FRMPD4: variants seen among roughly 807,000 people sequenced by gnomAD.
FRMPD4 encodes FERM and PDZ domain containing 4, also known as FERM and PDZ domain-containing protein 4.
FRMPD4 carries 22 observed loss-of-function variants against 94.1 expected under a neutral mutation model. The observed-to-expected ratio is 0.23, with a 90% CI of 0.17 to 0.33. FRMPD4 has a LOEUF of 0.33. Ranked by LOEUF, FRMPD4 falls within the 10% of genes least tolerant of loss-of-function variation. The probability of loss-of-function intolerance (pLI) is 1.00; values close to 1 mark genes in which losing one functional copy is unlikely to be tolerated. For missense variants in FRMPD4, 1,111 were observed against 1,339.9 expected (o/e 0.83, Z 2.67); for synonymous variants, 631 against 548.6 (o/e 1.15, Z -2.10).
intron 3 of FRMPD4, among the ~76,000 whole-genome samples, chrX:12,088,370 C>G (rs1287564181): frequency 9.0e-6 from 1 of 111,675 alleles, no homozygotes; most frequent in Non-Finnish European, 1.9e-5. Flanking sequence ...CCCTCATGAC[C>G]TAATCACCTC....
chrX:12,188,210 C>T (rs2056447356), intron 1 of FRMPD4, among the ~76,000 whole-genome samples: 1 of 111,989 alleles, frequency 8.9e-6, no homozygotes, highest in Non-Finnish European at 1.9e-5. Context: ...TCTCCTAGTT[C>T]TCCACAGAGA....
At chrX:12,248,258 CTCT>C (rs1177396248) in intron 1 of FRMPD4, among the ~76,000 whole-genome samples, 1 of 112,483 alleles carries the variant, frequency 8.9e-6, no homozygotes, top group East Asian at 2.8e-4. Flanking sequence ...AAAAACAAGA[CTCT>C]TCTTCATACT....
chrX:12,016,034 G>A (rs1228822228), intron 3 of FRMPD4, among the ~76,000 whole-genome samples: 1 of 112,452 alleles, frequency 8.9e-6, no homozygotes, highest in African/African-American at 3.2e-5. Flanking sequence ...AGAAAGATAA[G>A]CAAAGAAGGA....
At chrX:12,246,796 G>C (rs755414565) in intron 1 of FRMPD4, among the ~76,000 whole-genome samples, 1 of 110,528 alleles carries the variant, frequency 9.0e-6, no homozygotes, top group Non-Finnish European at 1.9e-5. Flanking sequence ...TTAAAATTAA[G>C]GACTCACTTT....
At chrX:12,528,234 C>T (rs1461108928) in intron 2 of FRMPD4, among the ~76,000 whole-genome samples, 3 of 110,577 alleles carry the variant, frequency 2.7e-5, no homozygotes, top group Admixed American at 9.6e-5. Flanking sequence ...TAAGACAAAA[C>T]TCCCAGGAGC....
chrX:12,176,960 T>G (rs906639977), intron 1 of FRMPD4, among the ~76,000 whole-genome samples: 6 of 112,120 alleles, frequency 5.4e-5, no homozygotes, highest in African/African-American at 1.9e-4. Context: ...AAATGAATAA[T>G]TTATTCTAGT....
intron 4 of FRMPD4, among the ~76,000 whole-genome samples, chrX:12,615,715 CTT>C (rs1453558397): frequency 9.0e-6 from 1 of 111,481 alleles, no homozygotes; most frequent in Non-Finnish European, 1.9e-5. Flanking sequence ...TATCAGAACA[CTT>C]TTCACTGAAG....
chrX:11,880,003 A>G (rs189515164), intron 3 of FRMPD4, among the ~76,000 whole-genome samples: 62 of 112,776 alleles, frequency 5.5e-4, no homozygotes, highest in Non-Finnish European at 9.6e-4. Flanking sequence ...AGACTCAAGT[A>G]AAGAGAGAGA....
chrX:12,342,869 G>A (rs1247851878), intron 1 of FRMPD4, among the ~76,000 whole-genome samples: 10 of 111,952 alleles, frequency 8.9e-5, no homozygotes, highest in South Asian at 3.8e-4. Flanking sequence ...AACCATTCCC[G>A]TTTCACAGAT....
intron 1 of FRMPD4, among the ~76,000 whole-genome samples, chrX:12,145,593 T>G (rs1199435861): frequency 8.8e-6 from 1 of 113,123 alleles, no homozygotes; most frequent in East Asian, 2.8e-4. Context: ...TTTAGAAAGC[T>G]TTATGACCAT....
intron 2 of FRMPD4, among the ~76,000 whole-genome samples, chrX:11,869,725 A>G (rs1436627753): frequency 8.9e-6 from 1 of 112,061 alleles, no homozygotes; most frequent in Non-Finnish European, 1.9e-5. Flanking sequence ...TACACATCAC[A>G]GGAGAAAAAC....
intron 3 of FRMPD4, among the ~76,000 whole-genome samples, chrX:12,114,630 T>C (rs913570805): frequency 1.5e-4 from 17 of 112,379 alleles, no homozygotes; most frequent in African/African-American, 5.2e-4. Flanking sequence ...AAGCCCCTTA[T>C]TTACTCAGTG....
intron 2 of FRMPD4, among the ~76,000 whole-genome samples, chrX:12,505,881 G>A (rs1349464141): frequency 1.8e-5 from 2 of 111,847 alleles, no homozygotes; most frequent in Non-Finnish European, 3.8e-5. Context: ...ATAAAGCCTT[G>A]TTATCAATGG....
At chrX:11,968,056 CTG>C (rs1212783377) in intron 3 of FRMPD4, among the ~76,000 whole-genome samples, 2 of 110,671 alleles carry the variant, frequency 1.8e-5, no homozygotes, top group African/African-American at 6.6e-5. Context: ...GTAACAGCAT[CTG>C]TGATTTGGAG....
chrX:12,270,498 G>T (rs998810589), intron 1 of FRMPD4, among the ~76,000 whole-genome samples: 13 of 111,479 alleles, frequency 1.2e-4, no homozygotes, highest in African/African-American at 4.2e-4. Flanking sequence ...TAAATATCAT[G>T]ATCAAGTTAT....
At chrX:12,417,033 G>T (rs757934805) in intron 1 of FRMPD4, among the ~76,000 whole-genome samples, 1 of 110,975 alleles carries the variant, frequency 9.0e-6, no homozygotes, top group East Asian at 2.8e-4. Context: ...TTAAAGGCTC[G>T]GCTCAGACCT....
Position 12,718,471 on chromosome X carries a change from C to T in FRMPD4, c.3645C>T (p.Gly1215=), listed in dbSNP as rs1288064922. The change falls in exon 16 of 17, where the codon GGC becomes GGT. Residue 1215 remains glycine, a synonymous_variant. Transcript: ENST00000675598. ...ATTTTTCTCTGCAGAGCTCCCAAGGCTCTTCAGTGGATGCAGGCTGTGGCA... is the reference window on the plus strand; with the variant it reads ...ATTTTTCTCTGCAGAGCTCCCAAGGTTCTTCAGTGGATGCAGGCTGTGGCA... ...EGHFSLQSSQ[G]SSVDAGCGTG... is the part of the protein sequence containing the mutation. The T allele has an allele frequency of 8.3e-7, 1 of 1,205,668 alleles. No homozygotes were observed. Among genetic ancestry groups the T allele is most frequent in the Non-Finnish European group, 1.1e-6 (1 of 890,902 alleles).
chrX:12,531,089 TA>T (rs1350014867), intron 2 of FRMPD4, among the ~76,000 whole-genome samples: 1 of 112,397 alleles, frequency 8.9e-6, no homozygotes, highest in Admixed American at 9.4e-5. Context: ...TCTAGTTTTT[TA>T]TGGTAATCCA....
chrX:12,328,296 T>G (rs2055319385), intron 1 of FRMPD4, among the ~76,000 whole-genome samples: 1 of 112,220 alleles, frequency 8.9e-6, no homozygotes, highest in Non-Finnish European at 1.9e-5. Context: ...AAAATTCAAT[T>G]TGTTGTTCAA....
Sources: allele counts gnomAD v4.1 joint callset (sites outside exome capture counted in the v4.1 genomes callset), GRCh38; gene constraint gnomAD v4.1.1; transcripts MANE v1.5; gene names NCBI Gene and HGNC (gene_info 2026-07-23, HGNC 2026-07-21).